Variants in TOP6BL observed in about 807,000 individuals in gnomAD.
The protein encoded by TOP6BL is type 2 DNA topoisomerase 6 subunit B-like.
the TOP6BL span, chr11:66,822,757 A>G: frequency 2.1e-6 from 2 of 951,264 alleles, no homozygotes; most frequent in Admixed American, 2.2e-5. Flanking sequence ...TAATCGCAGC[A>G]CTTTGGGAGG....
At chr11:66,763,416 G>C in the TOP6BL span, among the ~76,000 whole-genome samples, 1 of 151,844 alleles carries the variant, frequency 6.6e-6, no homozygotes, top group South Asian at 2.1e-4. Flanking sequence ...GTTTTATTTT[G>C]AGCACATTTA....
the TOP6BL span, among the ~76,000 whole-genome samples, chr11:66,764,032 G>C: frequency 6.6e-6 from 1 of 152,156 alleles, no homozygotes; most frequent in African/African-American, 2.4e-5. Flanking sequence ...CCACTTAAAG[G>C]TAGTTATAGT....
chr11:66,762,793 A>T, the TOP6BL span, among the ~76,000 whole-genome samples: 1 of 152,186 alleles, frequency 6.6e-6, no homozygotes, highest in Admixed American at 6.5e-5. Flanking sequence ...TCTTGGTCAT[A>T]TCAAAGAAAA....
At chr11:66,814,363 A>T in the TOP6BL span, among the ~76,000 whole-genome samples, 1 of 151,972 alleles carries the variant, frequency 6.6e-6, no homozygotes, top group Non-Finnish European at 1.5e-5. Flanking sequence ...GGTTCAAGTG[A>T]TCCTCCTGCC....
At chr11:66,833,453 G>T in the TOP6BL span, among the ~76,000 whole-genome samples, 1 of 152,068 alleles carries the variant, frequency 6.6e-6, no homozygotes, top group Non-Finnish European at 1.5e-5. Context: ...TTAGGATTTG[G>T]ACATATTTGG....
chr11:66,831,434 A>G, the TOP6BL span, among the ~76,000 whole-genome samples: 3 of 152,242 alleles, frequency 2.0e-5, no homozygotes, highest in African/African-American at 2.4e-5. Flanking sequence ...GGAAAGAACT[A>G]TTGATACACA....
chr11:66,762,134 C>T, the TOP6BL span: 2 of 905,580 alleles, frequency 2.2e-6, no homozygotes, highest in Non-Finnish European at 3.7e-6. Context: ...CTGGATTTTC[C>T]TTTCCTCCTG....
chr11:66,818,671 TA>T, the TOP6BL span, among the ~76,000 whole-genome samples: 1 of 152,198 alleles, frequency 6.6e-6, no homozygotes, highest in East Asian at 1.9e-4. Context: ...ATGAGATTGT[TA>T]GGCTAGGCCC....
At chr11:66,843,098 G>C in the TOP6BL span, 1 of 1,592,426 alleles carries the variant, frequency 6.3e-7, no homozygotes, top group African/African-American at 1.3e-5. Flanking sequence ...CGCAGGGAAG[G>C]GCTCAGCAGG....
the TOP6BL span, among the ~76,000 whole-genome samples, chr11:66,799,040 C>G: frequency 6.6e-6 from 1 of 151,868 alleles, no homozygotes; most frequent in Non-Finnish European, 1.5e-5. Context: ...AACCCCGTCT[C>G]TACTAAAAAT....
At chr11:66,789,696 A>G in the TOP6BL span, among the ~76,000 whole-genome samples, 7 of 152,338 alleles carry the variant, frequency 4.6e-5, no homozygotes, top group African/African-American at 1.4e-4. Flanking sequence ...AGTTGTATAC[A>G]TAACATTTAT....
At chr11:66,835,558 G>C in the TOP6BL span, among the ~76,000 whole-genome samples, 1 of 152,046 alleles carries the variant, frequency 6.6e-6, no homozygotes, top group Non-Finnish European at 1.5e-5. Context: ...GTACCTATTC[G>C]CAGTGAGTCC....
the TOP6BL span, among the ~76,000 whole-genome samples, chr11:66,745,610 C>CA: frequency 7.2e-5 from 11 of 152,202 alleles, no homozygotes; most frequent in Admixed American, 7.2e-4. Flanking sequence ...GTGACAGAAG[C>CA]ACAGGCTCTG....
chr11:66,762,655 G>A, the TOP6BL span, among the ~76,000 whole-genome samples: 1 of 152,134 alleles, frequency 6.6e-6, no homozygotes, highest in Non-Finnish European at 1.5e-5. Context: ...ATTTTTAGTA[G>A]AGACGGGGTT....
chr11:66,775,614 G>A, the TOP6BL span, among the ~76,000 whole-genome samples: 85 of 152,288 alleles, frequency 5.6e-4, 1 homozygote, highest in African/African-American at 2.0e-3. Flanking sequence ...TCAGATGAGG[G>A]GGTACTCCTT....
chr11:66,771,208 C>T, the TOP6BL span: 3 of 151,228 alleles, frequency 2.0e-5, no homozygotes, highest in Non-Finnish European at 4.4e-5. Flanking sequence ...CTATGTTGCC[C>T]AAGCTGGTCT....
the TOP6BL span, chr11:66,814,045 T>G: frequency 6.3e-7 from 1 of 1,586,050 alleles, no homozygotes; most frequent in Non-Finnish European, 8.6e-7. Context: ...GCACAGGAAT[T>G]AAGACATTTG....
chr11:66,843,079 C>T, the TOP6BL span: 4 of 1,580,062 alleles, frequency 2.5e-6, no homozygotes, highest in Non-Finnish European at 2.6e-6. Flanking sequence ...GGTAACTGGG[C>T]GAGGGCCGCG....
At chr11:66,787,740 A>G in the TOP6BL span, among the ~76,000 whole-genome samples, 5 of 151,436 alleles carry the variant, frequency 3.3e-5, no homozygotes, top group Admixed American at 3.3e-4. Flanking sequence ...AAAAAGGTAC[A>G]TGCCTGAGAG....
Sources: allele counts gnomAD v4.1 joint callset (sites outside exome capture counted in the v4.1 genomes callset), GRCh38; gene constraint gnomAD v4.1.1; transcripts MANE v1.5; gene names NCBI Gene and HGNC (gene_info 2026-07-23, HGNC 2026-07-21).